Variants in RIGI observed in about 807,000 individuals in gnomAD.
RIGI encodes antiviral innate immune response receptor RIG-I.
chr9:32,455,792 T>C, the RIGI span: 1 of 152,240 alleles, frequency 6.6e-6, no homozygotes, highest in African/African-American at 2.4e-5. Context: ...TCATGTACTT[T>C]TCACACATTC....
chr9:32,475,028 C>T, the RIGI span, among the ~76,000 whole-genome samples: 27 of 152,082 alleles, frequency 1.8e-4, no homozygotes, highest in Non-Finnish European at 3.5e-4. Context: ...CTCAGCTCAC[C>T]GCAGCCTTCA....
the RIGI span, among the ~76,000 whole-genome samples, chr9:32,499,780 G>A: frequency 6.6e-6 from 1 of 151,780 alleles, no homozygotes; most frequent in Non-Finnish European, 1.5e-5. Context: ...TAAATACAGG[G>A]GTCTCCCTAT....
chr9:32,489,111 C>T, the RIGI span, among the ~76,000 whole-genome samples: 1 of 152,074 alleles, frequency 6.6e-6, no homozygotes, highest in African/African-American at 2.4e-5. Flanking sequence ...AAAGAGGACA[C>T]TTTTCTTTAC....
the RIGI span, among the ~76,000 whole-genome samples, chr9:32,511,617 C>G: frequency 6.6e-6 from 1 of 151,474 alleles, no homozygotes; most frequent in Non-Finnish European, 1.5e-5. Flanking sequence ...TAAATGCCCA[C>G]AGGAGAAAGA....
the RIGI span, among the ~76,000 whole-genome samples, chr9:32,512,419 C>A: frequency 6.6e-6 from 1 of 152,280 alleles, no homozygotes; most frequent in East Asian, 1.9e-4. Flanking sequence ...TCAACATATA[C>A]AAATCAATAA....
the RIGI span, chr9:32,457,500 A>G: frequency 1.7e-6 from 2 of 1,154,206 alleles, no homozygotes; most frequent in Non-Finnish European, 2.4e-6. Context: ...AAAAAAAAGA[A>G]AACCCCACAA....
At chr9:32,464,612 C>T in the RIGI span, among the ~76,000 whole-genome samples, 1 of 152,100 alleles carries the variant, frequency 6.6e-6, no homozygotes, top group Admixed American at 6.6e-5. Flanking sequence ...CTCCTGACCT[C>T]GTGATCCACC....
the RIGI span, among the ~76,000 whole-genome samples, chr9:32,523,548 C>A: frequency 6.6e-6 from 1 of 152,150 alleles, no homozygotes. Context: ...TGTCCTCACC[C>A]TTACCTCCTC....
chr9:32,483,273 G>C, the RIGI span, among the ~76,000 whole-genome samples: 7 of 152,146 alleles, frequency 4.6e-5, no homozygotes, highest in Non-Finnish European at 1.0e-4. Context: ...AACAAAGGAG[G>C]CTACCCAAAC....
chr9:32,466,393 G>C, the RIGI span: 1 of 1,613,378 alleles, frequency 6.2e-7, no homozygotes, highest in African/African-American at 1.3e-5. Flanking sequence ...AATTACACCA[G>C]CATTACTAGT....
At chr9:32,516,160 T>C in the RIGI span, among the ~76,000 whole-genome samples, 13 of 152,278 alleles carry the variant, frequency 8.5e-5, no homozygotes, top group East Asian at 1.9e-3. Flanking sequence ...GATTATCACA[T>C]CCAGACAATG....
the RIGI span, among the ~76,000 whole-genome samples, chr9:32,511,024 C>A: frequency 2.6e-5 from 4 of 152,100 alleles, no homozygotes; most frequent in Non-Finnish European, 5.9e-5. Flanking sequence ...GGGATCAATG[C>A]AACAAGAAGA....
the RIGI span, chr9:32,477,012 G>A: frequency 6.2e-7 from 1 of 1,614,010 alleles, no homozygotes; most frequent in African/African-American, 1.3e-5. Context: ...TTCACAAAGA[G>A]AATTGTTATT....
the RIGI span, among the ~76,000 whole-genome samples, chr9:32,525,388 A>G: frequency 6.6e-6 from 1 of 152,120 alleles, no homozygotes; most frequent in Admixed American, 6.5e-5. Context: ...CCTCATCGAT[A>G]TCTTTTAAGT....
the RIGI span, among the ~76,000 whole-genome samples, chr9:32,487,015 TTAGTCATATTAAAAAATCA>T: frequency 4.9e-4 from 75 of 152,332 alleles, 1 homozygote; most frequent in African/African-American, 1.8e-3. Flanking sequence ...TAAACAACTG[TTAGTCATATTAAAAAATCA>T]TATCTGATCT....
At chr9:32,488,192 G>A in the RIGI span, 27 of 1,613,884 alleles carry the variant, frequency 1.7e-5, no homozygotes, top group Non-Finnish European at 2.1e-5. Context: ...AGAAATGCCT[G>A]TAACTCTATA....
chr9:32,467,158 G>C, the RIGI span, among the ~76,000 whole-genome samples: 1 of 152,178 alleles, frequency 6.6e-6, no homozygotes, highest in South Asian at 2.1e-4. Flanking sequence ...GAGGAAGTCA[G>C]GTTGGCGGAA....
chr9:32,519,817 T>C, the RIGI span, among the ~76,000 whole-genome samples: 1 of 152,196 alleles, frequency 6.6e-6, no homozygotes, highest in Middle Eastern at 3.2e-3. Context: ...ATTATAAGAC[T>C]TTCTAGTGTT....
At chr9:32,488,900 A>G in the RIGI span, 6 of 1,585,210 alleles carry the variant, frequency 3.8e-6, no homozygotes, top group Non-Finnish European at 5.1e-6. Flanking sequence ...TTTAACATGT[A>G]AGGAAAAAAG....
Sources: allele counts gnomAD v4.1 joint callset (sites outside exome capture counted in the v4.1 genomes callset), GRCh38; gene constraint gnomAD v4.1.1; transcripts MANE v1.5; gene names NCBI Gene and HGNC (gene_info 2026-07-23, HGNC 2026-07-21).